PDE1A: variants seen among roughly 807,000 people sequenced by gnomAD.
The protein encoded by PDE1A is dual specificity calcium/calmodulin-dependent 3',5'-cyclic nucleotide phosphodiesterase 1A.
PDE1A carries 35 observed loss-of-function variants against 61.7 expected under a neutral mutation model. The ratio of observed to expected loss-of-function variants is 0.57; its 90% CI spans 0.43 to 0.75. The LOEUF (loss-of-function observed/expected upper bound fraction) is 0.75, where lower values mean the gene tolerates loss of function less well. Among genes scored for constraint, PDE1A ranks in the 30% least tolerant of loss-of-function variants. The pLI is 0.00. For missense variants in PDE1A, 597 were observed against 630.6 expected (o/e 0.95, Z 0.57); for synonymous variants, 232 against 213.2 (o/e 1.09, Z -0.77).
intron 7 of PDE1A, among the ~76,000 whole-genome samples, chr2:182,208,893 G>T (rs1687344752): frequency 6.6e-6 from 1 of 152,208 alleles, no homozygotes; most frequent in Non-Finnish European, 1.5e-5. Context: ...TATCTCGGAA[G>T]TAACTAACTT....
At chr2:182,651,459 ATC>A in the PDE1A span, among the ~76,000 whole-genome samples, 2 of 152,228 alleles carry the variant, frequency 1.3e-5, no homozygotes, top group African/African-American at 4.8e-5. Context: ...CCCAAGAGAA[ATC>A]TCTTTGAACA....
the PDE1A span, among the ~76,000 whole-genome samples, chr2:182,697,012 A>G: frequency 9.2e-5 from 14 of 152,192 alleles, no homozygotes; most frequent in African/African-American, 3.4e-4. Flanking sequence ...TGATCACTAT[A>G]TCAATTCTAA....
intron 2 of PDE1A, among the ~76,000 whole-genome samples, chr2:182,247,616 A>G (rs1312562415): frequency 1.3e-5 from 2 of 152,180 alleles, no homozygotes; most frequent in African/African-American, 2.4e-5. Context: ...CAGCTCCTCA[A>G]GTTTCATCTG....
intron 1 of PDE1A, among the ~76,000 whole-genome samples, chr2:182,386,824 C>T (rs1049463294): frequency 4.0e-5 from 6 of 151,230 alleles, no homozygotes; most frequent in East Asian, 4.0e-4. Context: ...ACCCGGCCGC[C>T]GCCCCGTCTG....
chr2:182,708,402 G>A, the PDE1A span, among the ~76,000 whole-genome samples: 3 of 152,092 alleles, frequency 2.0e-5, no homozygotes, highest in African/African-American at 7.2e-5. Context: ...AGTAAGTGCT[G>A]TCACAAATAT....
Position 182,412,131 on chromosome 2 carries a change from C to T in PDE1A, c.53+14447G>A, listed in dbSNP as rs373391897. Reference sequence around the variant, plus strand: ...GTCGAGAAATTCTGCTTTAAACTCTCACCAACCTAGGTAAATTTTTGACTT... The same window carrying T: ...GTCGAGAAATTCTGCTTTAAACTCTTACCAACCTAGGTAAATTTTTGACTT... On this transcript the variant is annotated intron_variant, in intron 1 of 13. Transcript: ENST00000351439. Among the ~76,000 whole-genome samples the T allele has an allele frequency of 1.7e-3, 252 of 152,032 alleles. 1 individual carries two copies. In the South Asian group the frequency reaches 0.018, roughly 11 times the overall value.
chr2:182,465,967 A>G (rs1396401667), intron 2 of PDE1A, among the ~76,000 whole-genome samples: 1 of 152,098 alleles, frequency 6.6e-6, no homozygotes, highest in East Asian at 1.9e-4. Context: ...AATTACATAA[A>G]TATTTACTAT....
chr2:182,550,775 T>C, the PDE1A span, among the ~76,000 whole-genome samples: 1 of 152,158 alleles, frequency 6.6e-6, no homozygotes, highest in Non-Finnish European at 1.5e-5. Flanking sequence ...GAATCCAGAA[T>C]TGTTTCCATC....
At chr2:182,530,364 C>CA in the PDE1A span, among the ~76,000 whole-genome samples, 2 of 151,560 alleles carry the variant, frequency 1.3e-5, no homozygotes, top group Non-Finnish European at 2.9e-5. Context: ...TGGGAAAACT[C>CA]AAAGAAATAA....
the PDE1A span, among the ~76,000 whole-genome samples, chr2:182,550,975 A>G: frequency 6.6e-6 from 1 of 151,968 alleles, no homozygotes; most frequent in African/African-American, 2.4e-5. Flanking sequence ...CTGGAAATAT[A>G]GTCTACCAGT....
the PDE1A span, among the ~76,000 whole-genome samples, chr2:182,695,793 A>T: frequency 6.6e-6 from 1 of 152,236 alleles, no homozygotes; most frequent in Admixed American, 6.5e-5. Flanking sequence ...TATACAATTA[A>T]GAAATTGGCC....
chr2:182,160,269 G>T (rs1480016640), intron 13 of PDE1A, among the ~76,000 whole-genome samples: 1 of 152,002 alleles, frequency 6.6e-6, no homozygotes, highest in East Asian at 1.9e-4. Flanking sequence ...TTAATTTTAG[G>T]TGTCAATTTG....
intron 2 of PDE1A, among the ~76,000 whole-genome samples, chr2:182,485,754 C>T (rs376329148): frequency 1.3e-5 from 2 of 152,040 alleles, no homozygotes; most frequent in African/African-American, 2.4e-5. Context: ...ATATCATTGT[C>T]CTAATAGATG....
chr2:182,651,422 T>C, the PDE1A span, among the ~76,000 whole-genome samples: 1 of 152,254 alleles, frequency 6.6e-6, no homozygotes, highest in East Asian at 1.9e-4. Context: ...TGTATCTCTT[T>C]ACAAAATTTA....
intron 2 of PDE1A, among the ~76,000 whole-genome samples, chr2:182,256,038 C>CTTTTTTTTTTTTTTTTTTTCT (rs1691762728): frequency 1.1e-5 from 1 of 92,336 alleles, no homozygotes; most frequent in Non-Finnish European, 2.1e-5. Context: ...AGGATGACTT[C>CTTTTTTTTTTTTTTTTTTTCT]TTTTTTTTTT....
chr2:182,177,950 C>G (rs3769806), intron 13 of PDE1A, among the ~76,000 whole-genome samples: 34,161 of 151,926 alleles, frequency 0.22, 4,300 homozygotes, highest in African/African-American at 0.32. Context: ...GATAAATGTT[C>G]TTTGAATAAT....
At chr2:182,637,032 C>T in the PDE1A span, among the ~76,000 whole-genome samples, 1 of 152,178 alleles carries the variant, frequency 6.6e-6, no homozygotes, top group Non-Finnish European at 1.5e-5. Flanking sequence ...CCTGAAAAAA[C>T]AATTATTTAC....
the PDE1A span, among the ~76,000 whole-genome samples, chr2:182,681,247 A>G: frequency 6.6e-6 from 1 of 151,956 alleles, no homozygotes; most frequent in Admixed American, 6.6e-5. Context: ...GTTTGATACA[A>G]TATATAGCCT....
At chr2:182,393,456 A>G (rs1701533957) in intron 1 of PDE1A, among the ~76,000 whole-genome samples, 1 of 152,074 alleles carries the variant, frequency 6.6e-6, no homozygotes, top group African/African-American at 2.4e-5. Context: ...ACATGCCTGG[A>G]AACATTTTCC....
Sources: allele counts gnomAD v4.1 joint callset (sites outside exome capture counted in the v4.1 genomes callset), GRCh38; gene constraint gnomAD v4.1.1; transcripts MANE v1.5; gene names NCBI Gene and HGNC (gene_info 2026-07-23, HGNC 2026-07-21).